Variants in CNR1 observed in about 807,000 individuals in gnomAD.
CNR1 encodes the protein cannabinoid receptor 1.
In CNR1, 10 loss-of-function variants were observed where a neutral mutation model predicts 23.0. The observed-to-expected ratio is 0.43, with a 90% CI of 0.27 to 0.74. CNR1 has a LOEUF of 0.74. Among genes scored for constraint, CNR1 ranks in the 30% least tolerant of loss-of-function variants. The pLI, the probability that CNR1 is intolerant of heterozygous loss-of-function variation, is 0.19. For missense variants in CNR1, 422 were observed against 618.8 expected (o/e 0.68, Z 3.37); for synonymous variants, 271 against 255.2 (o/e 1.06, Z -0.59).
At chr6:88,148,279 AAC>A (rs1489580661) in intron 1 of CNR1, among the ~76,000 whole-genome samples, 1 of 152,078 alleles carries the variant, frequency 6.6e-6, no homozygotes, top group Admixed American at 6.6e-5. Flanking sequence ...AGAATACCCA[AAC>A]AGAGTTCTAT....
At chr6:88,149,125 A>G (rs1228105978) in intron 1 of CNR1, among the ~76,000 whole-genome samples, 11 of 152,178 alleles carry the variant, frequency 7.2e-5, no homozygotes, top group Non-Finnish European at 1.5e-5. Context: ...GCTAACGCCA[A>G]TCAAGTCAAG....
chr6:88,160,703 G>A lies in CNR1; in HGVS notation c.-64+5100C>T, dbSNP rs572965745. 3.9e-5 allele frequency among the ~76,000 whole-genome samples: 6 copies of A among 152,240 alleles called. No homozygotes were observed. The South Asian group carries it at 1.2e-3, about 32-fold the overall frequency. ...ACCTGCCTTGGCCTCCCAAAGTGCT[G>A]GGATTGCAGGCGTGAGCTACCGCGC... On this transcript the variant is annotated intron_variant, in intron 1 of 1. Coordinates refer to ENST00000369501, the MANE Select transcript of CNR1 (RefSeq NM_016083.6).
At chr6:88,152,954 T>C (rs938250885) in intron 1 of CNR1, among the ~76,000 whole-genome samples, 4 of 152,328 alleles carry the variant, frequency 2.6e-5, no homozygotes, top group Non-Finnish European at 4.4e-5. Flanking sequence ...AAAGAAGCAG[T>C]TGGTTTTTAT....
Position 88,143,736 on chromosome 6 carries a change from TCA to T in CNR1, c.*118_*119del, listed in dbSNP as rs1447499227. 3 of 728,024 alleles carry T rather than the reference TCA, an allele frequency of 4.1e-6. No homozygotes were observed. The highest frequency in any genetic ancestry group is 4.7e-5 in the Admixed American group (2 of 42,698). 45.1% of individuals were successfully genotyped at this position (728,024 alleles called of 1,614,324 possible). On this transcript the variant is annotated 3_prime_UTR_variant, in exon 2 of 2. Coordinates refer to ENST00000369501, the MANE Select transcript of CNR1 (RefSeq NM_016083.6). Reference sequence around the variant, plus strand: ...AACTGATAAGTGATCATGGTGACAATCACCTTTTCATTGAGCATGGTAAAGTT... The same window carrying T: ...AACTGATAAGTGATCATGGTGACAATCCTTTTCATTGAGCATGGTAAAGTT...
At position 88,166,194 on chromosome 6, in the gene CNR1, C is replaced by A. The variant is rs1778363162; in HGVS notation, c.-455G>T. The A allele has an allele frequency of 6.6e-6, 1 of 152,044 alleles. No homozygotes were observed. The highest frequency in any genetic ancestry group is 2.4e-5 in the African/African-American group (1 of 41,422). 9.4% of individuals were successfully genotyped at this position (152,044 alleles called of 1,614,324 possible). A position where few individuals can be genotyped will look rare whatever the true frequency, so the allele number is the denominator to read the frequency against. On this transcript the variant is annotated 5_prime_UTR_variant, in exon 1 of 2. Coordinates refer to ENST00000369501, the MANE Select transcript of CNR1 (RefSeq NM_016083.6). ...GACTGGCGCCCCGCTGCTCCGACCGCCGGCGAGCCTCGCCCCTTCCCAGGC... is the reference window on the plus strand; with the variant it reads ...GACTGGCGCCCCGCTGCTCCGACCGACGGCGAGCCTCGCCCCTTCCCAGGC...
At position 88,143,251 on chromosome 6, in the gene CNR1, T is replaced by C. The variant is rs932657290; in HGVS notation, c.*605A>G. The C allele has an allele frequency of 6.6e-6, 1 of 152,592 alleles. No individual in the cohort carries two copies. The highest frequency in any genetic ancestry group is 2.4e-5 in the African/African-American group (1 of 41,448). 9.5% of individuals were successfully genotyped at this position (152,592 alleles called of 1,614,324 possible). A position where few individuals can be genotyped will look rare whatever the true frequency, so the allele number is the denominator to read the frequency against. ...AATTAAATAGAGATATTTGAAGAAA[T>C]ATTAAGGTTTATTTCTAAAGTTATA... On this transcript the variant is annotated 3_prime_UTR_variant, in exon 2 of 2. Transcript: ENST00000369501.
At position 88,140,641 on chromosome 6, in the gene CNR1, T is replaced by C. The variant is rs1182065673; in HGVS notation, c.*3215A>G. 1 of 152,440 alleles carries C rather than the reference T, an allele frequency of 6.6e-6. No individual in the cohort carries two copies. The highest frequency in any genetic ancestry group is 6.5e-5 in the Admixed American group (1 of 15,280). 9.4% of individuals were successfully genotyped at this position (152,440 alleles called of 1,614,324 possible). On this transcript the variant is annotated 3_prime_UTR_variant, in exon 2 of 2. Transcript: ENST00000369501. ...TTGTGTGCATGATATGGGTGGTCTCTTTTATGGACATGAAATGGCAGAAAT... is the reference window on the plus strand; with the variant it reads ...TTGTGTGCATGATATGGGTGGTCTCCTTTATGGACATGAAATGGCAGAAAT...
Position 88,142,414 on chromosome 6 carries a change from C to T in CNR1, c.*1442G>A, listed in dbSNP as rs1776873406. On this transcript the variant is annotated 3_prime_UTR_variant, in exon 2 of 2. Transcript: ENST00000369501. ...GAACTGTCTTCCTTTTAGTGACTGA[C>T]ATATTGCTCAATATTCGGTGCTCAG... The T allele has an allele frequency of 6.6e-6, 1 of 152,370 alleles. No individual in the cohort carries two copies. The highest frequency in any genetic ancestry group is 2.4e-5 in the African/African-American group (1 of 41,466). 9.4% of individuals were successfully genotyped at this position (152,370 alleles called of 1,614,324 possible). A position where few individuals can be genotyped will look rare whatever the true frequency, so the allele number is the denominator to read the frequency against.
rs1340151427 is a variant in CNR1 at position 88,140,565 on chromosome 6, G to A, written c.*3291C>T. The A allele has an allele frequency of 6.5e-6, 1 of 152,740 alleles. No individual in the cohort carries two copies. Among genetic ancestry groups the A allele is most frequent in the Non-Finnish European group, 1.5e-5 (1 of 68,042 alleles). 9.5% of individuals were successfully genotyped at this position (152,740 alleles called of 1,614,324 possible). A position where few individuals can be genotyped will look rare whatever the true frequency, so the allele number is the denominator to read the frequency against. ...GTTAATAGCCATTGCCCAGCATTTA[G>A]GAGATTTTAAAATATCATACAAATA... On this transcript the variant is annotated 3_prime_UTR_variant, in exon 2 of 2. Transcript: ENST00000369501.
At chr6:88,145,998 G>T (rs765427663) in intron 1 of CNR1, among the ~76,000 whole-genome samples, 1 of 152,146 alleles carries the variant, frequency 6.6e-6, no homozygotes, top group Non-Finnish European at 1.5e-5. Flanking sequence ...AGGTCTGGAC[G>T]GAGCCATGGC....
chr6:88,163,523 C>A (rs1234501035), intron 1 of CNR1, among the ~76,000 whole-genome samples: 1 of 152,156 alleles, frequency 6.6e-6, no homozygotes, highest in East Asian at 1.9e-4. Flanking sequence ...TAAATTTCCC[C>A]GTGGTTAATG....
intron 1 of CNR1, among the ~76,000 whole-genome samples, chr6:88,158,436 T>C (rs536938065): frequency 2.1e-4 from 32 of 152,324 alleles, no homozygotes; most frequent in South Asian, 2.1e-3. Context: ...GAAAGACCAG[T>C]CTGAGAAGTT....
chr6:88,141,017 T>C lies in CNR1; in HGVS notation c.*2839A>G, dbSNP rs1217272338. ...TTGGGAATTTGGCCCTTTCTGAACA[T>C]GTGTGATGGTAAAATGCATGGTCAG... is the stretch of plus-strand genomic sequence containing the variant. On this transcript the variant is annotated 3_prime_UTR_variant, in exon 2 of 2. Transcript: ENST00000369501. The C allele has an allele frequency of 6.6e-6, 1 of 152,176 alleles. No homozygotes were observed. Among genetic ancestry groups the C allele is most frequent in the African/African-American group, 2.4e-5 (1 of 41,386 alleles). The allele number at this position is 152,176 out of a possible 1,614,324, so 9.4% of individuals were successfully genotyped here.
rs1176998279 is a variant in CNR1, at chr6:88,140,142, G to A, written c.*3714C>T. 1.3e-5 allele frequency: 2 copies of A among 152,748 alleles called. No homozygotes were observed. Among genetic ancestry groups the A allele is most frequent in the African/African-American group, 2.4e-5 (1 of 41,428 alleles). 9.5% of individuals were successfully genotyped at this position (152,748 alleles called of 1,614,324 possible). ...AAGATATTGCAGTGGTTGCAACGATGTTACCAGCTCAACAAACATCTAACA... is the reference window on the plus strand; with the variant it reads ...AAGATATTGCAGTGGTTGCAACGATATTACCAGCTCAACAAACATCTAACA... On this transcript the variant is annotated 3_prime_UTR_variant, in exon 2 of 2. Transcript: ENST00000369501.
rs753068397 is a variant in CNR1 at position 88,143,833 on chromosome 6, G to A, written c.*23C>T. On this transcript the variant is annotated 3_prime_UTR_variant, in exon 2 of 2. Coordinates refer to ENST00000369501, the MANE Select transcript of CNR1 (RefSeq NM_016083.6). ...GCTTAAAAAAAAAAATTCTTTTCCTGTGCTGCCAGGGAGGCATCAGGCTCA... is the reference window on the plus strand; with the variant it reads ...GCTTAAAAAAAAAAATTCTTTTCCTATGCTGCCAGGGAGGCATCAGGCTCA... The A allele has an allele frequency of 6.4e-7, 1 of 1,573,004 alleles. No homozygotes were observed. The highest frequency in any genetic ancestry group is 1.1e-5 in the South Asian group (1 of 87,374).
At position 88,143,992 on chromosome 6, in the gene CNR1, T is replaced by A. The variant is rs1389775177; in HGVS notation, c.1283A>T (p.Asp428Val). 1.4e-5 allele frequency: 22 copies of A among 1,613,492 alleles called. No homozygotes were observed. The highest frequency in any genetic ancestry group is 1.9e-5 in the Non-Finnish European group (22 of 1,179,928). Residue 428 changes from aspartate to valine, a missense_variant, in exon 2 of 2, where the codon GAC becomes GTC. Physicochemically the swap from Asp to Val is radical, Grantham distance 152. Around this residue, in one of 4 missense-constraint regions of CNR1, gnomAD observed 79 missense variants for 98.0 expected, o/e 0.81. Transcript: ENST00000369501. The stretch of plus-strand genomic sequence containing the variant: ...TGCGTGTTTGTGCAGGCAGTCCGAG[T>A]CCCCCATGCTGTTATCCAGAGGCTG... Reference protein sequence around the residue: ...TAQPLDNSMGDSDCLHKHANN... With the variant: ...TAQPLDNSMGVSDCLHKHANN...
intron 1 of CNR1, among the ~76,000 whole-genome samples, chr6:88,158,597 C>G (rs1370108234): frequency 1.3e-5 from 2 of 152,140 alleles, no homozygotes; most frequent in African/African-American, 2.4e-5. Context: ...AACAAAAACT[C>G]TAGGGTTGGG....
At position 88,161,869 on chromosome 6, in the gene CNR1, T is replaced by C. The variant is rs557096359; in HGVS notation, c.-64+3934A>G. The stretch of plus-strand genomic sequence containing the variant: ...TAACTCACTTGTGGTAACGTTGTAA[T>C]GTGTTATATATAAAAACTATAACTA... On this transcript the variant is annotated intron_variant, in intron 1 of 1. Coordinates refer to ENST00000369501, the MANE Select transcript of CNR1 (RefSeq NM_016083.6). Among the ~76,000 whole-genome samples, 6 of 152,316 alleles carry C rather than the reference T, an allele frequency of 3.9e-5. 1 individual carries two copies. The South Asian group carries it at 1.2e-3, about 32-fold the overall frequency.
At position 88,144,980 on chromosome 6, in the gene CNR1, C is replaced by G; in HGVS notation, c.295G>C (p.Gly99Arg). The part of the protein sequence containing the change: ...FKENEENIQC[G>R]ENFMDIECFM... ...CACTCTATGTCCATGAAGTTCTCCC[C>G]ACACTGGATGTTCTCCTCATTCTCC... is the stretch of plus-strand genomic sequence containing the variant. Residue 99 changes from glycine to arginine, a missense_variant, in exon 2 of 2, where the codon GGG becomes CGG. Transcript: ENST00000369501. The surrounding 1 kb of genome is among the most constrained non-coding windows in gnomAD (Gnocchi z 7.8). The G allele has an allele frequency of 1.2e-6, 2 of 1,614,192 alleles. No homozygotes were observed. The highest frequency in any genetic ancestry group is 1.7e-6 in the Non-Finnish European group (2 of 1,180,034).
Sources: gnomAD v4.1 joint callset for allele counts (sites outside exome capture counted in the v4.1 genomes callset) on GRCh38, gnomAD v4.1.1 for gene constraint, gnomAD v4.1.1 regional missense constraint, Gnocchi (gnomAD v3.1) non-coding constraint, MANE v1.5 for transcripts, NCBI Gene and HGNC (gene_info 2026-07-23, HGNC 2026-07-21) for gene names.